Variants in PRELID2 observed in about 807,000 individuals in gnomAD.
The protein encoded by PRELID2 is PRELI domain-containing protein 2.
A neutral mutation model predicts 28.4 loss-of-function variants in PRELID2; 25 were observed. The observed-to-expected ratio is 0.88, with a 90% CI of 0.64 to 1.23. PRELID2 has a LOEUF of 1.23. PRELID2 is among the 50% of genes most tolerant of loss of function. The pLI, the probability that PRELID2 is intolerant of heterozygous loss-of-function variation, is 0.00. For synonymous variants in PRELID2, 76 were observed against 71.6 expected (o/e 1.06, Z -0.31); for missense variants, 201 against 214.4 (o/e 0.94, Z 0.39).
intron 1 of PRELID2, chr5:145,729,238 A>G (rs1289400173): frequency 3.1e-5 from 30 of 956,308 alleles, no homozygotes; most frequent in Non-Finnish European, 4.1e-5. Flanking sequence ...CTTACAATGA[A>G]TGATGCTGCA....
chr5:145,740,754 A>G (rs1232728704), intron 1 of PRELID2, among the ~76,000 whole-genome samples: 1 of 118,124 alleles, frequency 8.5e-6, no homozygotes, highest in Non-Finnish European at 1.6e-5. Context: ...TATATTATAT[A>G]TTTATGTATA....
intron 1 of PRELID2, among the ~76,000 whole-genome samples, chr5:145,585,141 T>G (rs1190975208): frequency 1.3e-5 from 2 of 152,058 alleles, no homozygotes; most frequent in Non-Finnish European, 2.9e-5. Flanking sequence ...TGCAGGGACA[T>G]GAATGGAGGT....
chr5:145,677,865 G>A (rs1277596329), intron 1 of PRELID2, among the ~76,000 whole-genome samples: 1 of 152,182 alleles, frequency 6.6e-6, no homozygotes, highest in African/African-American at 2.4e-5. Flanking sequence ...TGTAATCCCA[G>A]CACTTTGGGA....
At chr5:145,297,655 A>G in the PRELID2 span, among the ~76,000 whole-genome samples, 19 of 151,860 alleles carry the variant, frequency 1.3e-4, no homozygotes, top group Non-Finnish European at 1.9e-4. Flanking sequence ...AGGGTATTCA[A>G]TTAGGAAAAG....
At chr5:145,699,245 C>G (rs1347979444) in intron 1 of PRELID2, among the ~76,000 whole-genome samples, 1 of 152,074 alleles carries the variant, frequency 6.6e-6, no homozygotes, top group Non-Finnish European at 1.5e-5. Context: ...CAGGGCAAAG[C>G]TATGTGAATT....
At chr5:145,291,771 A>C in the PRELID2 span, among the ~76,000 whole-genome samples, 1 of 152,058 alleles carries the variant, frequency 6.6e-6, no homozygotes, top group Non-Finnish European at 1.5e-5. Flanking sequence ...TTACACTTAG[A>C]TCTATGATCT....
At chr5:145,310,679 T>G in the PRELID2 span, among the ~76,000 whole-genome samples, 2 of 152,212 alleles carry the variant, frequency 1.3e-5, no homozygotes, top group African/African-American at 4.8e-5. Context: ...TTGATCTTTT[T>G]GGTACATATC....
chr5:145,244,170 G>A, the PRELID2 span, among the ~76,000 whole-genome samples: 3 of 152,020 alleles, frequency 2.0e-5, no homozygotes, highest in African/African-American at 7.2e-5. Flanking sequence ...GGCCAGGCTG[G>A]TCTTGAACTC....
chr5:145,733,784 C>G (rs982557909), intron 1 of PRELID2, among the ~76,000 whole-genome samples: 2 of 152,148 alleles, frequency 1.3e-5, no homozygotes, highest in African/African-American at 4.8e-5. Flanking sequence ...GAATAGTGGT[C>G]CCTGAAAGAT....
chr5:145,278,291 A>G, the PRELID2 span, among the ~76,000 whole-genome samples: 1 of 152,186 alleles, frequency 6.6e-6, no homozygotes, highest in East Asian at 1.9e-4. Flanking sequence ...AGCAACATGC[A>G]CTAATTATGT....
chr5:145,649,107 G>T (rs1229159371), intron 1 of PRELID2, among the ~76,000 whole-genome samples: 1 of 151,698 alleles, frequency 6.6e-6, no homozygotes, highest in Non-Finnish European at 1.5e-5. Context: ...TAAAAGAGAA[G>T]GCAAAAATAA....
chr5:145,286,954 C>A, the PRELID2 span, among the ~76,000 whole-genome samples: 1 of 152,148 alleles, frequency 6.6e-6, no homozygotes, highest in Non-Finnish European at 1.5e-5. Flanking sequence ...AGGTGATCTG[C>A]CCGCCTCAGC....
At chr5:145,676,175 G>A (rs986659034) in intron 1 of PRELID2, among the ~76,000 whole-genome samples, 10 of 138,884 alleles carry the variant, frequency 7.2e-5, no homozygotes, top group South Asian at 2.3e-4. Flanking sequence ...AGCCCAGATC[G>A]CACCATTGCA....
At chr5:145,467,444 T>TA (rs1262996779), downstream of PRELID2, among the ~76,000 whole-genome samples, 3 of 151,958 alleles carry the variant, frequency 2.0e-5, no homozygotes, top group East Asian at 1.9e-4. Context: ...ATGCTAATCC[T>TA]AAAAAAAAGA....
At chr5:145,750,505 T>C (rs557394251) in intron 1 of PRELID2, among the ~76,000 whole-genome samples, 38 of 152,240 alleles carry the variant, frequency 2.5e-4, no homozygotes, top group African/African-American at 9.1e-4. Flanking sequence ...TCAAAAAATA[T>C]TGGAATCAAA....
chr5:145,383,824 A>T, the PRELID2 span, among the ~76,000 whole-genome samples: 2 of 151,920 alleles, frequency 1.3e-5, no homozygotes, highest in African/African-American at 4.8e-5. Context: ...TGGCACACAC[A>T]TGCACATACA....
At chr5:145,501,698 A>G (rs1752361008) in intron 1 of PRELID2, among the ~76,000 whole-genome samples, 1 of 152,056 alleles carries the variant, frequency 6.6e-6, no homozygotes, top group Non-Finnish European at 1.5e-5. Context: ...TTCTTTATAA[A>G]TTACCCAGTC....
chr5:145,365,706 C>T, the PRELID2 span, among the ~76,000 whole-genome samples: 1 of 151,762 alleles, frequency 6.6e-6, no homozygotes, highest in Non-Finnish European at 1.5e-5. Flanking sequence ...AATAATGTGC[C>T]TCCCTCAACC....
the PRELID2 span, among the ~76,000 whole-genome samples, chr5:145,290,104 G>A: frequency 2.0e-5 from 3 of 152,138 alleles, no homozygotes; most frequent in Non-Finnish European, 4.4e-5. Context: ...GGAACAACAG[G>A]TGCTGGAGAG....
Sources: allele counts gnomAD v4.1 joint callset (sites outside exome capture counted in the v4.1 genomes callset), GRCh38; gene constraint gnomAD v4.1.1; transcripts MANE v1.5; gene names NCBI Gene and HGNC (gene_info 2026-07-23, HGNC 2026-07-21).